ADGRE3: variants seen among roughly 807,000 people sequenced by gnomAD.
The protein encoded by ADGRE3 is EGF-like module receptor 3.
In ADGRE3, 88 loss-of-function variants were observed where a neutral mutation model predicts 80.1. That is an observed-to-expected ratio of 1.10 (90% confidence interval 0.93 to 1.31). The LOEUF is 1.31. ADGRE3 is among the 40% of genes most tolerant of loss of function. The probability of loss-of-function intolerance (pLI) is 0.00; values close to 1 mark genes in which losing one functional copy is unlikely to be tolerated. For missense variants in ADGRE3, 715 were observed against 776.5 expected, an observed-to-expected ratio of 0.92 and a Z score of 0.94; for synonymous variants, 281 against 294.8, an observed-to-expected ratio of 0.95 and a Z score of 0.48.
At chr19:14,668,559 C>T (rs944954675) in intron 2 of ADGRE3, 7 of 505,084 alleles carry the variant, frequency 1.4e-5, no homozygotes, top group Middle Eastern at 5.1e-4. Context: ...GTTCTATCTC[C>T]ACTTTGTACT....
At chr19:14,670,188 G>A (rs1972215320) in intron 1 of ADGRE3, among the ~76,000 whole-genome samples, 1 of 152,182 alleles carries the variant, frequency 6.6e-6, no homozygotes, top group African/African-American at 2.4e-5. Flanking sequence ...AGTGGATGGG[G>A]CTGCAACGGC....
chr19:14,643,258 G>C (rs1971303545), intron 9 of ADGRE3, among the ~76,000 whole-genome samples: 1 of 149,898 alleles, frequency 6.7e-6, no homozygotes, highest in South Asian at 2.1e-4. Context: ...CAATTCTCCT[G>C]CCTCAGCCTC....
At chr19:14,667,415 C>T (rs1315024592) in intron 2 of ADGRE3, among the ~76,000 whole-genome samples, 1 of 151,126 alleles carries the variant, frequency 6.6e-6, no homozygotes, top group African/African-American at 2.4e-5. Context: ...GCACTATTCA[C>T]AATAGCAAAG....
Position 14,638,203 on chromosome 19 carries a change from G to A in ADGRE3, c.1386C>T (p.Leu462=). Residue 462 remains leucine, a synonymous_variant, in exon 11 of 16, where the codon CTC becomes CTT. Coordinates refer to ENST00000253673, the MANE Select transcript of ADGRE3 (RefSeq NM_032571.5). The part of the protein sequence containing the change: ...TVVNYSSINR[L]MKWIMFPVGY... ...CGACTGGGAACATGATCCACTTCAT[G>A]AGTCTATTGATGCTTGAGTAGTTGA... The A allele has an allele frequency of 1.2e-6, 2 of 1,614,118 alleles. No individual in the cohort carries two copies. The highest frequency in any genetic ancestry group is 1.7e-6 in the Non-Finnish European group (2 of 1,180,006).
intron 11 of ADGRE3, among the ~76,000 whole-genome samples, chr19:14,637,187 G>T (rs1476591940): frequency 6.6e-6 from 1 of 152,146 alleles, no homozygotes. Context: ...GGCTTCAGCT[G>T]CTCTGAAGGA....
rs1348729357 is a variant in ADGRE3 at position 14,619,487 on chromosome 19, A to G, written c.1921-16T>C. The stretch of plus-strand genomic sequence containing the variant: ...AAACATCCCCCTATAAAAGAGGTTT[A>G]GATTAAAGGTGGATGTAAGGGTAAA... On this transcript the variant is annotated splice_polypyrimidine_tract_variant and intron_variant, in intron 15 of 15. Coordinates refer to ENST00000253673, the MANE Select transcript of ADGRE3 (RefSeq NM_032571.5). The G allele has an allele frequency of 6.3e-7, 1 of 1,581,276 alleles. No homozygotes were observed. Among genetic ancestry groups the G allele is most frequent in the Admixed American group, 1.7e-5 (1 of 59,422 alleles).
At chr19:14,658,480 C>A in intron 5 of ADGRE3, 33 bp downstream of exon 5, 2 of 1,500,788 alleles carry the variant, frequency 1.3e-6, no homozygotes, top group Non-Finnish European at 1.8e-6. Flanking sequence ...TGTTTGTTAC[C>A]TGGGAAGGGT....
At chr19:14,668,476 A>T (rs986707538) in intron 2 of ADGRE3, 4 of 424,532 alleles carry the variant, frequency 9.4e-6, no homozygotes, top group East Asian at 7.0e-5. Context: ...AATCAGAATG[A>T]TAATGATTAG....
intron 1 of ADGRE3, 24 bp downstream of exon 1, chr19:14,674,722 A>G: frequency 6.2e-7 from 1 of 1,612,008 alleles, no homozygotes; most frequent in Non-Finnish European, 8.5e-7. Flanking sequence ...GTTAAGCCTC[A>G]GTCATTGTTA....
At chr19:14,600,612 C>T in the ADGRE3 span, among the ~76,000 whole-genome samples, 4 of 150,730 alleles carry the variant, frequency 2.7e-5, no homozygotes, top group African/African-American at 9.8e-5. Context: ...GATGGAGTCT[C>T]GCTCTTTCAC....
At chr19:14,674,681 T>C in intron 1 of ADGRE3, 65 bp downstream of exon 1, 5 of 1,521,182 alleles carry the variant, frequency 3.3e-6, no homozygotes, top group South Asian at 2.3e-5. Context: ...TAACCAATTG[T>C]TGAACCAAGT....
At chr19:14,607,193 G>A in the ADGRE3 span, 1 of 483,552 alleles carries the variant, frequency 2.1e-6, no homozygotes, top group Non-Finnish European at 3.2e-6. Context: ...ATGGTTGAAG[G>A]AGTCAGGAGC....
the ADGRE3 span, among the ~76,000 whole-genome samples, chr19:14,607,457 C>T: frequency 6.6e-6 from 1 of 151,922 alleles, no homozygotes; most frequent in East Asian, 1.9e-4. Context: ...CCCGCCTTGG[C>T]CTCCCAAAGT....
intron 14 of ADGRE3, among the ~76,000 whole-genome samples, chr19:14,628,083 G>A (rs1409881690): frequency 6.6e-6 from 1 of 151,942 alleles, no homozygotes; most frequent in Non-Finnish European, 1.5e-5. Flanking sequence ...GGCTGAGGTC[G>A]TGCCATTGCA....
At chr19:14,658,823 C>G (rs566377473) in intron 4 of ADGRE3, among the ~76,000 whole-genome samples, 2 of 151,800 alleles carry the variant, frequency 1.3e-5, no homozygotes, top group African/African-American at 4.8e-5. Flanking sequence ...CAACCTTCAC[C>G]TCCTGGGTTC....
intron 15 of ADGRE3, among the ~76,000 whole-genome samples, chr19:14,620,542 TA>T (rs1970548509): frequency 6.3e-5 from 1 of 15,938 alleles, no homozygotes; most frequent in South Asian, 2.6e-3. Flanking sequence ...ATATTTTATA[TA>T]TATATTATAT....
Position 14,658,529 on chromosome 19 carries a change from G to T in ADGRE3, c.377C>A (p.Thr126Asn). The change falls in exon 5 of 16, where the codon ACC becomes AAC. Residue 126 changes from threonine (T) to asparagine (N), a missense_variant. Thr to Asn is a moderately conservative substitution (Grantham distance 65). Coordinates refer to ENST00000253673, the MANE Select transcript of ADGRE3 (RefSeq NM_032571.5). ...TCCACTCACCTCTTTCCTGCCCTCG[G>T]TTGTCTTTGAGGAGGTGGTGTCTGC... ...TCQDTTSSKT[T>N]EGRKELQKIV... is the part of the protein sequence containing the mutation. 1 of 1,567,874 alleles carries T rather than the reference G, an allele frequency of 6.4e-7. No homozygotes were observed.
At chr19:14,636,195 CTTTCTTTCT>C (rs139283104) in intron 11 of ADGRE3, among the ~76,000 whole-genome samples, 9,903 of 71,858 alleles carry the variant, frequency 0.14, 2,629 homozygotes, top group East Asian at 0.42. Flanking sequence ...TTCTTTCTTT[CTTTCTTTCT>C]TTTCTTTTCT....
chr19:14,655,527 C>T (rs1448683828), intron 5 of ADGRE3, among the ~76,000 whole-genome samples: 1 of 152,124 alleles, frequency 6.6e-6, no homozygotes, highest in African/African-American at 2.4e-5. Flanking sequence ...GGGATCTTGG[C>T]TCACTGCAAC....
Sources: allele counts gnomAD v4.1 joint callset (sites outside exome capture counted in the v4.1 genomes callset), GRCh38; gene constraint gnomAD v4.1.1; transcripts MANE v1.5; gene names NCBI Gene and HGNC (gene_info 2026-07-23, HGNC 2026-07-21).